ITFG1: variants seen among roughly 807,000 people sequenced by gnomAD.
ITFG1 encodes T-cell immunomodulatory protein.
A neutral mutation model predicts 81.8 loss-of-function variants in ITFG1; 34 were observed. That is an observed-to-expected ratio of 0.42 (90% CI 0.32 to 0.55). The LOEUF (loss-of-function observed/expected upper bound fraction) is 0.55, where lower values mean the gene tolerates loss of function less well. ITFG1 is among the 20% of genes least tolerant of loss of function. ITFG1 has a pLI of 0.17. For missense variants in ITFG1, 672 were observed against 755.4 expected, an observed-to-expected ratio of 0.89 and a Z score of 1.29; for synonymous variants, 285 against 270.6, an observed-to-expected ratio of 1.05 and a Z score of -0.52.
At chr16:47,283,875 A>T (rs1159632322) in intron 10 of ITFG1, among the ~76,000 whole-genome samples, 1 of 152,206 alleles carries the variant, frequency 6.6e-6, no homozygotes, top group Non-Finnish European at 1.5e-5. Context: ...GGATAAATAA[A>T]ATGTGGTATA....
intron 10 of ITFG1, among the ~76,000 whole-genome samples, chr16:47,264,957 T>A (rs1291788787): frequency 6.6e-6 from 1 of 152,180 alleles, no homozygotes; most frequent in Non-Finnish European, 1.5e-5. Context: ...TAGCCACTTA[T>A]CTGTTAGTCT....
intron 10 of ITFG1, among the ~76,000 whole-genome samples, chr16:47,267,430 A>G (rs891347753): frequency 1.4e-4 from 21 of 152,192 alleles, no homozygotes; most frequent in Non-Finnish European, 2.4e-4. Context: ...AAATTGAAAG[A>G]ACTGTGGAAG....
chr16:47,250,880 G>A (rs1179239199), intron 12 of ITFG1, among the ~76,000 whole-genome samples: 2 of 152,218 alleles, frequency 1.3e-5, no homozygotes, highest in African/African-American at 4.8e-5. Flanking sequence ...GCTGAGAGGG[G>A]AAACATGCCA....
intron 14 of ITFG1, among the ~76,000 whole-genome samples, chr16:47,186,968 C>G (rs1218424678): frequency 6.6e-6 from 1 of 152,102 alleles, no homozygotes; most frequent in Non-Finnish European, 1.5e-5. Flanking sequence ...ACACCAGTAA[C>G]AGACAAACAG....
Position 47,222,204 on chromosome 16 carries a change from G to A in ITFG1, c.1375-3258C>T, listed in dbSNP as rs1314200225. 2.0e-5 allele frequency among the ~76,000 whole-genome samples: 3 copies of A among 151,006 alleles called. No homozygotes were observed. In the South Asian group the frequency reaches 6.3e-4, roughly 32 times the overall value. ...AGGGTGTCAATTTTGGATCTTTCCT[G>A]CTTTCTCTTGTGGGCATTTAGTGCT... On this transcript the variant is annotated intron_variant, in intron 13 of 17. Coordinates refer to ENST00000320640, the MANE Select transcript of ITFG1 (RefSeq NM_030790.5).
At chr16:47,431,330 G>A (rs1200754133) in intron 5 of ITFG1, among the ~76,000 whole-genome samples, 1 of 152,232 alleles carries the variant, frequency 6.6e-6, no homozygotes, top group African/African-American at 2.4e-5. Context: ...TGTCAGATCA[G>A]TGGTGGCATT....
chr16:47,276,971 A>G (rs1966404345), intron 10 of ITFG1, among the ~76,000 whole-genome samples: 1 of 152,210 alleles, frequency 6.6e-6, no homozygotes, highest in Non-Finnish European at 1.5e-5. Flanking sequence ...TATTACCTAA[A>G]TAAGATCGAG....
chr16:47,229,473 G>A lies in ITFG1; in HGVS notation c.1374+8492C>T, dbSNP rs980795009. Among the ~76,000 whole-genome samples, 6 of 152,070 alleles carry A rather than the reference G, an allele frequency of 3.9e-5. No homozygotes were observed. In the East Asian group the frequency reaches 1.2e-3, roughly 29 times the overall value. ...AGATAAGGCTGAAGGGGTAAACCAGGGCTCTATCTCAGGAAGCTAGATTTA... is the reference window on the plus strand; with the variant it reads ...AGATAAGGCTGAAGGGGTAAACCAGAGCTCTATCTCAGGAAGCTAGATTTA... On this transcript the variant is annotated intron_variant, in intron 13 of 17. Coordinates refer to ENST00000320640, the MANE Select transcript of ITFG1 (RefSeq NM_030790.5).
intron 8 of ITFG1, among the ~76,000 whole-genome samples, chr16:47,330,923 A>G (rs1171238215): frequency 6.6e-6 from 1 of 152,188 alleles, no homozygotes; most frequent in Non-Finnish European, 1.5e-5. Flanking sequence ...GAGATTTCTC[A>G]AAGAACTTAA....
Position 47,365,841 on chromosome 16 carries a change from A to G in ITFG1, c.749T>C (p.Leu250Ser), listed in dbSNP as rs1027217349. 6.2e-7 allele frequency: 1 copy of G among 1,602,834 alleles called. No individual in the cohort carries two copies. The highest frequency in any genetic ancestry group is 8.5e-7 in the Non-Finnish European group (1 of 1,170,362). The stretch of plus-strand genomic sequence containing the variant: ...CACCATCATATTTTGAGGTTTTTCC[A>G]ATATAGTACTGACAGAGAAGTTTCC... ...LDGNFSVSTILEKPQNMMVVG... is the reference protein window; with the variant it reads ...LDGNFSVSTISEKPQNMMVVG... Residue 250 changes from leucine (L) to serine (S), a missense_variant, in exon 8 of 18, where the codon TTG becomes TCG. Leu to Ser is a moderately radical substitution (Grantham distance 145). Transcript: ENST00000320640.
At chr16:47,409,351 A>T (rs1444766595) in intron 6 of ITFG1, among the ~76,000 whole-genome samples, 1 of 133,126 alleles carries the variant, frequency 7.5e-6, no homozygotes, top group Non-Finnish European at 1.6e-5. Context: ...ATGCAAATAC[A>T]TAACAAGACA....
chr16:47,282,070 C>T (rs1253154334), intron 10 of ITFG1, among the ~76,000 whole-genome samples: 1 of 151,750 alleles, frequency 6.6e-6, no homozygotes, highest in African/African-American at 2.4e-5. Context: ...AATAATTTCT[C>T]ATCCCTCACA....
intron 14 of ITFG1, among the ~76,000 whole-genome samples, chr16:47,181,343 G>A (rs1047397332): frequency 1.3e-5 from 2 of 151,060 alleles, no homozygotes; most frequent in Non-Finnish European, 3.0e-5. Flanking sequence ...CCCCGTCCGG[G>A]AGGGAGGTGG....
At chr16:47,370,704 C>A (rs531022835) in intron 7 of ITFG1, among the ~76,000 whole-genome samples, 9 of 152,302 alleles carry the variant, frequency 5.9e-5, no homozygotes, top group African/African-American at 2.2e-4. Context: ...CTTATACACC[C>A]CTCATCACGC....
At chr16:47,204,565 T>C (rs983532027) in intron 14 of ITFG1, among the ~76,000 whole-genome samples, 1 of 152,234 alleles carries the variant, frequency 6.6e-6, no homozygotes, top group African/African-American at 2.4e-5. Flanking sequence ...TAACTATTTC[T>C]TGTCTGACTG....
intron 12 of ITFG1, among the ~76,000 whole-genome samples, chr16:47,251,496 C>A (rs1966075829): frequency 6.8e-6 from 1 of 147,042 alleles, no homozygotes; most frequent in Admixed American, 6.8e-5. Context: ...AGAGAAAACT[C>A]CTCATGCACA....
intron 8 of ITFG1, among the ~76,000 whole-genome samples, chr16:47,332,045 T>G (rs760606658): frequency 2.6e-5 from 4 of 152,162 alleles, no homozygotes; most frequent in Admixed American, 6.6e-5. Flanking sequence ...AAGACTCTTA[T>G]GTATGAAATG....
intron 14 of ITFG1, among the ~76,000 whole-genome samples, chr16:47,199,229 T>C (rs1475470932): frequency 2.6e-5 from 4 of 151,926 alleles, no homozygotes; most frequent in Non-Finnish European, 2.9e-5. Context: ...ATCACGCCAC[T>C]GCACTCCAGC....
At chr16:47,321,598 A>C (rs1278483353) in intron 8 of ITFG1, among the ~76,000 whole-genome samples, 2 of 152,196 alleles carry the variant, frequency 1.3e-5, no homozygotes, top group African/African-American at 4.8e-5. Context: ...CCAAAGCAGG[A>C]GGACTACTTG....
Sources: allele counts gnomAD v4.1 joint callset (sites outside exome capture counted in the v4.1 genomes callset), GRCh38; gene constraint gnomAD v4.1.1; transcripts MANE v1.5; gene names NCBI Gene and HGNC (gene_info 2026-07-23, HGNC 2026-07-21).